The following VPS35 variants were observed in gnomAD, a reference collection of about 807,000 sequenced individuals.
VPS35 encodes VPS35 retromer complex component.
Under a neutral mutation model 98.1 loss-of-function variants are expected in VPS35, and 21 were observed. The observed-to-expected ratio is 0.21, with a 90% CI of 0.15 to 0.31. The LOEUF (loss-of-function observed/expected upper bound fraction) is 0.31. Among genes scored for constraint, VPS35 ranks in the 10% least tolerant of loss-of-function variants. The pLI is 1.00. For synonymous variants in VPS35, 268 were observed against 318.2 expected, an observed-to-expected ratio of 0.84 and a Z score of 1.68; for missense variants, 554 against 950.8, an observed-to-expected ratio of 0.58 and a Z score of 5.49.
intron 1 of VPS35, among the ~76,000 whole-genome samples, chr16:46,685,121 A>G (rs1043457310): frequency 1.3e-5 from 2 of 152,204 alleles, no homozygotes; most frequent in South Asian, 2.1e-4. Context: ...AGCATACTAA[A>G]TGCCACTTTA....
At chr16:46,672,715 T>C (rs551683491) in intron 10 of VPS35, among the ~76,000 whole-genome samples, 3 of 152,324 alleles carry the variant, frequency 2.0e-5, no homozygotes, top group Admixed American at 6.5e-5. Flanking sequence ...AGTTTCCAAC[T>C]CATGAACAGA....
At chr16:46,668,352 G>A (rs762982864) in intron 13 of VPS35, among the ~76,000 whole-genome samples, 28 of 152,116 alleles carry the variant, frequency 1.8e-4, no homozygotes, top group Non-Finnish European at 3.5e-4. Context: ...CTAAGACTGC[G>A]CCACTGTACT....
chr16:46,682,168 T>G lies in VPS35; in HGVS notation c.110A>C (p.Asn37Thr), dbSNP rs777006799. The change falls in exon 3 of 17, where the codon AAC becomes ACC. Residue 37 changes from asparagine to threonine, a missense_variant. Around this residue, in one of 5 missense-constraint regions of VPS35, gnomAD observed 67 missense variants for 103.3 expected, o/e 0.65. Transcript: ENST00000299138. ...ATGTTTTAGAGCATCCATAAGCTTG[T>G]TTTTGTCCTACAGAAATACCAAGAG... The part of the protein sequence containing the change: ...SFQMKRCLDK[N>T]KLMDALKHAS... 1 of 1,612,210 alleles carries G rather than the reference T, an allele frequency of 6.2e-7. No individual in the cohort carries two copies. Among genetic ancestry groups the G allele is most frequent in the Non-Finnish European group, 8.5e-7 (1 of 1,178,438 alleles).
chr16:46,661,917 T>A lies in VPS35; in HGVS notation c.2068-56A>T. The A allele has an allele frequency of 1.2e-6, 2 of 1,610,812 alleles. No individual in the cohort carries two copies. Among genetic ancestry groups the A allele is most frequent in the South Asian group, 2.2e-5 (2 of 90,696 alleles). On this transcript the variant is annotated intron_variant, in intron 15 of 16. Coordinates refer to ENST00000299138, the MANE Select transcript of VPS35 (RefSeq NM_018206.6). This position sits in a 1 kb window ranked among gnomAD's most constrained non-coding sequence, Gnocchi z 4.3. The stretch of plus-strand genomic sequence containing the variant: ...AGATTAATGAAACATCTCGTTTTCA[T>A]ACAAAGAAACACAACACTACCGTGG...
rs116282128 is a variant in VPS35, at chr16:46,661,645, G to A, written c.2211+73C>T. On this transcript the variant is annotated intron_variant, in intron 16 of 16. Coordinates refer to ENST00000299138, the MANE Select transcript of VPS35 (RefSeq NM_018206.6). This position sits in a 1 kb window ranked among gnomAD's most constrained non-coding sequence, Gnocchi z 4.3. ...TAAAGTATCAGAATGATAAACTTTT[G>A]TACATATCAAATCTCCTAAGAGTAG... is the stretch of plus-strand genomic sequence containing the variant. 669 of 1,364,798 alleles carry A rather than the reference G, an allele frequency of 4.9e-4. 4 individuals are homozygous for A. The African/African-American group carries it at 7.8e-3, about 16-fold the overall frequency. The allele number at this position is 1,364,798 out of a possible 1,614,324, so 84.5% of individuals were successfully genotyped here.
chr16:46,656,450 G>A lies in VPS35; in HGVS notation c.*4022C>T, dbSNP rs1235477248. On this transcript the variant is annotated 3_prime_UTR_variant, in exon 17 of 17. Transcript: ENST00000299138. The stretch of plus-strand genomic sequence containing the variant: ...GAAATTATGACAGTGAAAGAGATCA[G>A]ACCCAAATGACTCCATCTTGCTTCT... The A allele has an allele frequency of 1.3e-5, 2 of 152,190 alleles. No individual in the cohort carries two copies. The highest frequency in any genetic ancestry group is 2.9e-5 in the Non-Finnish European group (2 of 68,042). 9.4% of individuals were successfully genotyped at this position (152,190 alleles called of 1,614,324 possible).
Position 46,688,939 on chromosome 16 carries a change from C to T in VPS35, c.3+192G>A, listed in dbSNP as rs553986609. 2.0e-6 allele frequency: 3 copies of T among 1,476,570 alleles called. No homozygotes were observed. In the East Asian group the frequency reaches 7.5e-5, roughly 37 times the overall value. The allele number at this position is 1,476,570 out of a possible 1,614,324, so 91.5% of individuals were successfully genotyped here. On this transcript the variant is annotated intron_variant, in intron 1 of 16. Coordinates refer to ENST00000299138, the MANE Select transcript of VPS35 (RefSeq NM_018206.6). ...AACGGCCGCAGCCAAGAGCCGCCGC[C>T]CACCCCGGCCCGGATCAGCCTGCCC...
intron 1 of VPS35, among the ~76,000 whole-genome samples, chr16:46,686,200 G>A (rs1966310941): frequency 6.6e-6 from 1 of 152,030 alleles, no homozygotes; most frequent in Non-Finnish European, 1.5e-5. Context: ...CCATGTTGCA[G>A]TATGTGCCAG....
At chr16:46,684,397 T>C (rs1160142727) in intron 1 of VPS35, among the ~76,000 whole-genome samples, 1 of 152,154 alleles carries the variant, frequency 6.6e-6, no homozygotes, top group Non-Finnish European at 1.5e-5. Flanking sequence ...AACAAAAGAC[T>C]AAACAGTCTA....
chr16:46,661,375 G>A lies in VPS35; in HGVS notation c.2211+343C>T, dbSNP rs1057163814. Among the ~76,000 whole-genome samples, 3 of 151,890 alleles carry A rather than the reference G, an allele frequency of 2.0e-5. No individual in the cohort carries two copies. Among genetic ancestry groups the A allele is most frequent in the African/African-American group, 4.8e-5 (2 of 41,360 alleles). ...CTTCCAAGTAGCTGGGATTACAGGC[G>A]CCTGCCACCACGCCTAGCTAATTTT... On this transcript the variant is annotated intron_variant, in intron 16 of 16. Coordinates refer to ENST00000299138, the MANE Select transcript of VPS35 (RefSeq NM_018206.6). This position sits in a 1 kb window ranked among gnomAD's most constrained non-coding sequence, Gnocchi z 4.3.
At chr16:46,667,521 C>T (rs948352636) in intron 13 of VPS35, among the ~76,000 whole-genome samples, 1 of 151,922 alleles carries the variant, frequency 6.6e-6, no homozygotes, top group Admixed American at 6.6e-5. Context: ...TTATTTTAAG[C>T]TTATTTTAAA....
rs1323700862 is a variant in VPS35 at position 46,656,660 on chromosome 16, T to G, written c.*3812A>C. The G allele has an allele frequency of 6.6e-6, 1 of 152,236 alleles. No homozygotes were observed. The highest frequency in any genetic ancestry group is 1.5e-5 in the Non-Finnish European group (1 of 68,058). The allele number at this position is 152,236 out of a possible 1,614,324, so 9.4% of individuals were successfully genotyped here. A position where few individuals can be genotyped will look rare whatever the true frequency, so the allele number is the denominator to read the frequency against. ...GGATTTAAGTCACAGCCTAAGATTT[T>G]ACTTATTTGAAGACACTACTGATGC... On this transcript the variant is annotated 3_prime_UTR_variant, in exon 17 of 17. Coordinates refer to ENST00000299138, the MANE Select transcript of VPS35 (RefSeq NM_018206.6).
rs184277092 is a variant in VPS35 at position 46,669,007 on chromosome 16, G to A, written c.1570C>T (p.Arg524Trp). 8 of 1,613,982 alleles carry A rather than the reference G, an allele frequency of 5.0e-6. No individual in the cohort carries two copies. The highest frequency in any genetic ancestry group is 2.2e-5 in the East Asian group (1 of 44,888). Residue 524 changes from arginine (R) to tryptophan (W), a missense_variant, in exon 13 of 17, where the codon CGG (arginine) becomes TGG (tryptophan). Arg to Trp is a moderately radical substitution (Grantham distance 101). Around this residue, in one of 5 missense-constraint regions of VPS35, gnomAD observed 254 missense variants for 390.1 expected, o/e 0.65. Coordinates refer to ENST00000299138, the MANE Select transcript of VPS35 (RefSeq NM_018206.6). ...RKHFGAGGNQ[R>W]IRFTLPPLVF... ...AAAGGTGGCAGTGTGAAGCGAATCC[G>A]CTGATTTCCACCAGCTCCAAAATGT...
At position 46,669,310 on chromosome 16, in the gene VPS35, G is replaced by T. The variant is rs949795181; in HGVS notation, c.1525-258C>A. The T allele has an allele frequency of 3.0e-5, 14 of 472,956 alleles. No homozygotes were observed. The East Asian group carries it at 4.8e-4, about 16-fold the overall frequency. The allele number at this position is 472,956 out of a possible 1,614,324, so 29.3% of individuals were successfully genotyped here. On this transcript the variant is annotated intron_variant, in intron 12 of 16. Transcript: ENST00000299138. ...ACCTGCCCAAGGTAGCGAGTTAGAA[G>T]CAAAGATATATTTAAATATATTTTC...
Position 46,662,499 on chromosome 16 carries a change from A to G in VPS35, c.1828-17T>C. 1 of 1,613,096 alleles carries G rather than the reference A, an allele frequency of 6.2e-7. No homozygotes were observed. Among genetic ancestry groups the G allele is most frequent in the Non-Finnish European group, 8.5e-7 (1 of 1,180,030 alleles). On this transcript the variant is annotated splice_polypyrimidine_tract_variant and intron_variant, in intron 14 of 16. Coordinates refer to ENST00000299138, the MANE Select transcript of VPS35 (RefSeq NM_018206.6). ...AGAAAATGCCTAGTGAACATAAAGC[A>G]GAAAGGACTTTCAAGGACCAACCAT... is the stretch of plus-strand genomic sequence containing the variant.
chr16:46,676,813 C>T, intron 7 of VPS35, 121 bp from the exon 8 acceptor site: 1 of 749,660 alleles, frequency 1.3e-6, no homozygotes, highest in African/African-American at 1.7e-5. Context: ...AATTCAAACA[C>T]ATTACTTTTG....
At chr16:46,678,907 T>G (rs773200986) in intron 6 of VPS35, 36 bp downstream of exon 6, 1 of 1,599,446 alleles carries the variant, frequency 6.3e-7, no homozygotes, top group East Asian at 2.2e-5. Flanking sequence ...TCAGTTTATC[T>G]CTGAACATAA....
intron 16 of VPS35, 165 bp from the exon 17 acceptor site, chr16:46,660,816 C>T (rs752504661): frequency 2.4e-5 from 7 of 290,034 alleles, no homozygotes; most frequent in South Asian, 1.5e-4. Context: ...CAATTACTGA[C>T]TATCAAAAAA....
At chr16:46,687,392 T>A (rs1468804170) in intron 1 of VPS35, among the ~76,000 whole-genome samples, 2 of 152,112 alleles carry the variant, frequency 1.3e-5, no homozygotes, top group African/African-American at 4.8e-5. Flanking sequence ...TCCCCAAGAA[T>A]CCTCTGATGG....
Sources: gnomAD v4.1 joint callset for allele counts (sites outside exome capture counted in the v4.1 genomes callset) on GRCh38, gnomAD v4.1.1 for gene constraint, gnomAD v4.1.1 regional missense constraint, Gnocchi (gnomAD v3.1) non-coding constraint, MANE v1.5 for transcripts, NCBI Gene and HGNC (gene_info 2026-07-23, HGNC 2026-07-21) for gene names.